The following SMG6 variants were observed in gnomAD, a reference collection of about 807,000 sequenced individuals.
SMG6 encodes SMG6 nonsense mediated mRNA decay factor.
In SMG6, 66 loss-of-function variants were observed where a neutral mutation model predicts 142.2. The observed-to-expected ratio is 0.46, with a 90% CI of 0.38 to 0.57. The LOEUF is 0.57. Ranked by LOEUF, SMG6 falls within the 20% of genes least tolerant of loss-of-function variation. The pLI is 0.00. For missense variants in SMG6, 1,793 were observed against 1,832.0 expected, an observed-to-expected ratio of 0.98 and a Z score of 0.39; for synonymous variants, 779 against 702.4, an observed-to-expected ratio of 1.11 and a Z score of -1.72.
chr17:2,113,023 G>A (rs957812973), intron 13 of SMG6, among the ~76,000 whole-genome samples: 5 of 151,886 alleles, frequency 3.3e-5, no homozygotes, highest in African/African-American at 4.8e-5. Context: ...TTCCCAAAGT[G>A]CTGGGATTAC....
rs564440552 is a variant in SMG6, at chr17:2,244,346, T to C, written c.2723+312A>G. Among the ~76,000 whole-genome samples the C allele has an allele frequency of 9.2e-5, 14 of 151,980 alleles. No individual in the cohort carries two copies. The East Asian group carries it at 2.3e-3, about 25-fold the overall frequency. On this transcript the variant is annotated intron_variant, in intron 9 of 18. Transcript: ENST00000263073. ...AGCACAACTGCCCTGAGGCACTCACTAGGGACCTAAGCCGGAAGGCAGAGG... is the reference window on the plus strand; with the variant it reads ...AGCACAACTGCCCTGAGGCACTCACCAGGGACCTAAGCCGGAAGGCAGAGG...
intron 13 of SMG6, among the ~76,000 whole-genome samples, chr17:2,159,622 T>C (rs982642838): frequency 3.3e-5 from 5 of 152,198 alleles, no homozygotes; most frequent in African/African-American, 1.2e-4. Context: ...GGAAGCTTCT[T>C]TTAAAGTTAG....
chr17:2,124,217 C>A (rs1041728708), intron 13 of SMG6, among the ~76,000 whole-genome samples: 5 of 152,192 alleles, frequency 3.3e-5, no homozygotes, highest in African/African-American at 9.7e-5. Flanking sequence ...GGTGACAGAT[C>A]AACTGTAGTG....
chr17:2,173,538 G>T (rs1301495974), intron 12 of SMG6, among the ~76,000 whole-genome samples: 2 of 152,126 alleles, frequency 1.3e-5, no homozygotes, highest in Non-Finnish European at 2.9e-5. Context: ...TTTGTGGAAG[G>T]TGAGATACAG....
At chr17:2,061,849 C>A (rs1237272564) in intron 18 of SMG6, 1 of 521,486 alleles carries the variant, frequency 1.9e-6, no homozygotes. Context: ...GCCTCCCATA[C>A]AGGACTCTCT....
chr17:2,288,437 T>C (rs376127853), intron 6 of SMG6, among the ~76,000 whole-genome samples: 6 of 150,728 alleles, frequency 4.0e-5, no homozygotes, highest in African/African-American at 1.2e-4. Context: ...CTGAGCAACA[T>C]AGTGAAACCA....
chr17:2,211,615 G>C (rs1025790072), intron 10 of SMG6, among the ~76,000 whole-genome samples: 1 of 148,228 alleles, frequency 6.7e-6, no homozygotes, highest in Non-Finnish European at 1.5e-5. Context: ...AGTGAGCCGA[G>C]ATCGTGCCAG....
chr17:2,110,384 T>G lies in SMG6; in HGVS notation c.3358-24483A>C, dbSNP rs909694079. Among the ~76,000 whole-genome samples the G allele has an allele frequency of 2.6e-5, 4 of 152,334 alleles. No individual in the cohort carries two copies. In the South Asian group the frequency reaches 8.3e-4, roughly 32 times the overall value. Reference sequence around the variant, plus strand: ...TTCTGGTATGTTCTTCAGAGATAGTTCTGCATTTACTGACATATGTGATTA... The same window carrying G: ...TTCTGGTATGTTCTTCAGAGATAGTGCTGCATTTACTGACATATGTGATTA... On this transcript the variant is annotated intron_variant, in intron 13 of 18. Coordinates refer to ENST00000263073, the MANE Select transcript of SMG6 (RefSeq NM_017575.5).
chr17:2,284,172 T>C (rs1441886217), intron 6 of SMG6, among the ~76,000 whole-genome samples: 4 of 152,174 alleles, frequency 2.6e-5, no homozygotes, highest in Admixed American at 2.0e-4. Flanking sequence ...TCGGAAACTT[T>C]GGACAAAAGA....
intron 10 of SMG6, among the ~76,000 whole-genome samples, chr17:2,211,101 T>TA (rs56893397): frequency 0.36 from 50,749 of 141,036 alleles, 9,317 homozygotes; most frequent in Admixed American, 0.41. Flanking sequence ...TGGATTTTAT[T>TA]AAAAAAAAAA....
At chr17:2,262,465 T>C (rs1359548847) in intron 8 of SMG6, among the ~76,000 whole-genome samples, 3 of 152,214 alleles carry the variant, frequency 2.0e-5, no homozygotes, top group Non-Finnish European at 2.9e-5. Flanking sequence ...CAAGACATTA[T>C]AATGACAGAA....
chr17:2,220,786 A>G (rs1351854750), intron 10 of SMG6, among the ~76,000 whole-genome samples: 1 of 152,248 alleles, frequency 6.6e-6, no homozygotes, highest in African/African-American at 2.4e-5. Context: ...AGTAGAATCA[A>G]ACATTGTATA....
intron 13 of SMG6, among the ~76,000 whole-genome samples, chr17:2,153,849 GA>G (rs2070909149): frequency 7.3e-6 from 1 of 136,388 alleles, no homozygotes; most frequent in African/African-American, 2.9e-5. Context: ...CGGTGACTGG[GA>G]AACCTGGGGA....
chr17:2,203,628 G>A (rs1231075524), intron 10 of SMG6, among the ~76,000 whole-genome samples: 1 of 152,190 alleles, frequency 6.6e-6, no homozygotes, highest in Admixed American at 6.5e-5. Context: ...TTGTGGAGGA[G>A]AAGTGATATG....
intron 10 of SMG6, among the ~76,000 whole-genome samples, chr17:2,204,783 C>T (rs1045530043): frequency 5.3e-5 from 8 of 152,128 alleles, no homozygotes; most frequent in East Asian, 1.9e-4. Context: ...GGCAACGTGG[C>T]AAAACCTCAC....
chr17:2,211,106 A>AAAG (rs1567686059), intron 10 of SMG6, among the ~76,000 whole-genome samples: 2 of 151,810 alleles, frequency 1.3e-5, no homozygotes, highest in Admixed American at 6.6e-5. Flanking sequence ...TTTATTAAAA[A>AAAG]AAAAAAAATA....
At chr17:2,061,882 C>T (rs2067791576) in intron 18 of SMG6, 1 of 434,822 alleles carries the variant, frequency 2.3e-6, no homozygotes, top group Non-Finnish European at 4.3e-6. Context: ...CCAAAAGCTG[C>T]CCAAACCCGT....
chr17:2,266,661 A>G (rs1311219759), intron 8 of SMG6, among the ~76,000 whole-genome samples: 1 of 152,144 alleles, frequency 6.6e-6, no homozygotes, highest in Non-Finnish European at 1.5e-5. Context: ...GCTCTGTTAG[A>G]GGAAAGAAAC....
Position 2,202,109 on chromosome 17 carries a change from C to T in SMG6, c.2870-13594G>A, listed in dbSNP as rs139453934. Reference sequence around the variant, plus strand: ...CCCTAAAAATGAAAGCATACATGCACGCAAAGAATGTTCATAGCAGTTTTA... The same window carrying T: ...CCCTAAAAATGAAAGCATACATGCATGCAAAGAATGTTCATAGCAGTTTTA... On this transcript the variant is annotated intron_variant, in intron 10 of 18. Transcript: ENST00000263073. 1.8e-3 allele frequency among the ~76,000 whole-genome samples: 279 copies of T among 152,172 alleles called. 1 individual carries two copies. Among genetic ancestry groups the T allele is most frequent in the African/African-American group, 6.5e-3 (270 of 41,502 alleles).
Sources: allele counts gnomAD v4.1 joint callset (sites outside exome capture counted in the v4.1 genomes callset), GRCh38; gene constraint gnomAD v4.1.1; transcripts MANE v1.5; gene names NCBI Gene and HGNC (gene_info 2026-07-23, HGNC 2026-07-21).